The following PEAK1 variants were observed in gnomAD, a reference collection of about 807,000 sequenced individuals.
The protein encoded by PEAK1 is pseudopodium enriched atypical kinase 1.
PEAK1 carries 54 observed loss-of-function variants against 124.7 expected under a neutral mutation model. The ratio of observed to expected loss-of-function variants is 0.43; its 90% CI spans 0.35 to 0.54. The LOEUF (loss-of-function observed/expected upper bound fraction) is 0.54. PEAK1 is among the 20% of genes least tolerant of loss of function. PEAK1 has a pLI of 0.01. For missense variants in PEAK1, 2,046 were observed against 2,134.5 expected (o/e 0.96, Z 0.82); for synonymous variants, 719 against 760.0 (o/e 0.95, Z 0.89).
At chr15:77,346,008 T>C in intron 2 of PEAK1, 1 of 985,336 alleles carries the variant, frequency 1.0e-6, no homozygotes, top group Non-Finnish European at 1.2e-6. Context: ...CCTGGGGAAA[T>C]GAAATGGAAA....
At chr15:77,352,885 A>G (rs956154349) in intron 2 of PEAK1, 1 of 985,432 alleles carries the variant, frequency 1.0e-6, no homozygotes, top group African/African-American at 1.7e-5. Flanking sequence ...TGAAGGATCA[A>G]TGTGTGGACT....
chr15:77,250,279 C>A (rs2060818792), intron 6 of PEAK1, among the ~76,000 whole-genome samples: 1 of 143,676 alleles, frequency 7.0e-6, no homozygotes, highest in African/African-American at 2.6e-5. Context: ...CAGAGTTTCA[C>A]TCCGTCACCC....
chr15:77,262,297 T>C (rs982929109), intron 5 of PEAK1, among the ~76,000 whole-genome samples: 1 of 152,110 alleles, frequency 6.6e-6, no homozygotes, highest in Non-Finnish European at 1.5e-5. Context: ...ATGCTCCAAT[T>C]AGAAGACACA....
chr15:77,283,639 T>C (rs549593765), intron 5 of PEAK1: 2 of 152,724 alleles, frequency 1.3e-5, no homozygotes, highest in East Asian at 1.9e-4. Context: ...ACAGCTTAGC[T>C]TCCCATGCTT....
intron 2 of PEAK1, chr15:77,338,066 C>G (rs1010726474): frequency 9.2e-6 from 9 of 982,638 alleles, no homozygotes; most frequent in Non-Finnish European, 1.1e-5. Context: ...GCTTTTTTAG[C>G]TATTGGACTC....
chr15:77,419,638 A>T, intron 1 of PEAK1: 2 of 984,796 alleles, frequency 2.0e-6, no homozygotes, highest in Non-Finnish European at 2.4e-6. Flanking sequence ...TCCAGGCTTC[A>T]CTTTCCCCCG....
At chr15:77,334,338 T>C (rs1021848226) in intron 2 of PEAK1, 19 of 985,386 alleles carry the variant, frequency 1.9e-5, no homozygotes, top group Non-Finnish European at 2.3e-5. Flanking sequence ...CCATGTAGTG[T>C]TTCTGGTCCT....
At chr15:77,124,174 T>A (rs948349646) in intron 9 of PEAK1, among the ~76,000 whole-genome samples, 2 of 152,248 alleles carry the variant, frequency 1.3e-5, no homozygotes, top group Non-Finnish European at 2.9e-5. Flanking sequence ...AACCTTGGAC[T>A]CTCTGGCCTG....
intron 2 of PEAK1, among the ~76,000 whole-genome samples, chr15:77,322,606 A>AT (rs2065293867): frequency 6.6e-6 from 1 of 152,200 alleles, no homozygotes; most frequent in South Asian, 2.1e-4. Flanking sequence ...GAATAGACCA[A>AT]TAACAGGCTC....
chr15:77,142,219 G>A (rs182535220), intron 8 of PEAK1, among the ~76,000 whole-genome samples: 2 of 152,300 alleles, frequency 1.3e-5, no homozygotes, highest in East Asian at 3.9e-4. Flanking sequence ...CAGTGTGTGT[G>A]GAAAGATGTT....
At chr15:77,250,200 TACATATATATGTATATATATAC>T (rs1297327695) in intron 6 of PEAK1, among the ~76,000 whole-genome samples, 14 of 113,650 alleles carry the variant, frequency 1.2e-4, no homozygotes, top group Non-Finnish European at 2.5e-4. Context: ...TACATATATA[TACATATATATGTATATATATAC>T]ACATATATAT....
chr15:77,341,853 T>C (rs1197461558), intron 2 of PEAK1, among the ~76,000 whole-genome samples: 1 of 152,070 alleles, frequency 6.6e-6, no homozygotes, highest in African/African-American at 2.4e-5. Flanking sequence ...ATGCAAGATG[T>C]TAATAAGGGA....
chr15:77,294,333 A>G (rs980652917), intron 2 of PEAK1, among the ~76,000 whole-genome samples: 2 of 152,192 alleles, frequency 1.3e-5, no homozygotes, highest in Non-Finnish European at 2.9e-5. Flanking sequence ...AAATAATATA[A>G]AAGGTATTTT....
intron 2 of PEAK1, among the ~76,000 whole-genome samples, chr15:77,297,530 A>G (rs2063545813): frequency 6.6e-6 from 1 of 151,720 alleles, no homozygotes; most frequent in African/African-American, 2.4e-5. Context: ...TCTTAGTGCA[A>G]TAAGATGTTT....
At chr15:77,366,290 A>C (rs929254539) in intron 1 of PEAK1, among the ~76,000 whole-genome samples, 1 of 152,136 alleles carries the variant, frequency 6.6e-6, no homozygotes, top group African/African-American at 2.4e-5. Context: ...CAGCTACTGC[A>C]GTCATTATGG....
In PEAK1 at chr15:77,358,534, CT is replaced by C. The variant is rs1241590571; in HGVS notation, c.-603+6628del. Among the ~76,000 whole-genome samples, 6 of 152,360 alleles carry C rather than the reference CT, an allele frequency of 3.9e-5. No homozygotes were observed. In the East Asian group the frequency reaches 5.8e-4, roughly 15 times the overall value. ...TCTGACACTAATGAACACTGCCACCCTTTTCGAAACACTCTAATCTCTTTGC... is the reference window on the plus strand; with the variant it reads ...TCTGACACTAATGAACACTGCCACCCTTTCGAAACACTCTAATCTCTTTGC... On this transcript the variant is annotated intron_variant, in intron 2 of 9. Transcript: ENST00000682557.
chr15:77,129,708 A>G (rs1430018463), intron 9 of PEAK1, among the ~76,000 whole-genome samples: 1 of 151,842 alleles, frequency 6.6e-6, no homozygotes, highest in African/African-American at 2.4e-5. Context: ...AGCCTCCCAA[A>G]CTGTTGAGAT....
intron 2 of PEAK1, among the ~76,000 whole-genome samples, chr15:77,313,696 A>G (rs368663389): frequency 0.01 from 911 of 90,278 alleles, 8 homozygotes; most frequent in Non-Finnish European, 0.016. Context: ...GTGTGTGTAT[A>G]TATATATATG....
intron 6 of PEAK1, among the ~76,000 whole-genome samples, chr15:77,229,798 C>T (rs1475469204): frequency 6.6e-6 from 1 of 152,096 alleles, no homozygotes; most frequent in Non-Finnish European, 1.5e-5. Context: ...CAGGCGTCCA[C>T]CACCATGCCC....
Sources: allele counts gnomAD v4.1 joint callset (sites outside exome capture counted in the v4.1 genomes callset), GRCh38; gene constraint gnomAD v4.1.1; transcripts MANE v1.5; gene names NCBI Gene and HGNC (gene_info 2026-07-23, HGNC 2026-07-21).